NELL1: variants seen among roughly 807,000 people sequenced by gnomAD.
The protein encoded by NELL1 is protein kinase C-binding protein NELL1.
In NELL1, 76 loss-of-function variants were observed where a neutral mutation model predicts 107.4. The ratio of observed to expected loss-of-function variants is 0.71; its 90% CI spans 0.59 to 0.86. The LOEUF (loss-of-function observed/expected upper bound fraction) is 0.86, where lower values mean the gene tolerates loss of function less well. NELL1 is among the 40% of genes least tolerant of loss of function. The pLI, the probability that NELL1 is intolerant of heterozygous loss-of-function variation, is 0.00. For missense variants in NELL1, 1,024 were observed against 1,005.5 expected (o/e 1.02, Z -0.25); for synonymous variants, 353 against 341.2 (o/e 1.03, Z -0.38).
At chr11:21,512,549 G>C (rs11026121) in intron 15 of NELL1, among the ~76,000 whole-genome samples, 1 of 151,848 alleles carries the variant, frequency 6.6e-6, no homozygotes, top group Non-Finnish European at 1.5e-5. Flanking sequence ...GTACTACTGA[G>C]AGCCAGGAGA....
chr11:20,975,921 A>ACATATATGTACATATATGTGTT (rs1851614103), intron 12 of NELL1, among the ~76,000 whole-genome samples: 1 of 120,856 alleles, frequency 8.3e-6, no homozygotes. Context: ...ATATAAACAC[A>ACATATATGTACATATATGTGTT]CATATATGTA....
At chr11:21,366,653 AT>A (rs891942969) in intron 14 of NELL1, among the ~76,000 whole-genome samples, 2 of 151,954 alleles carry the variant, frequency 1.3e-5, no homozygotes, top group African/African-American at 4.8e-5. Flanking sequence ...AACAAAATAA[AT>A]CCCTCCACCT....
chr11:20,777,567 C>T (rs1476402486), intron 2 of NELL1, among the ~76,000 whole-genome samples: 2 of 152,192 alleles, frequency 1.3e-5, no homozygotes, highest in African/African-American at 4.8e-5. Context: ...GAAATTGCCT[C>T]ACTGATGGTT....
intron 15 of NELL1, among the ~76,000 whole-genome samples, chr11:21,427,512 G>C (rs1168552414): frequency 2.0e-5 from 3 of 152,022 alleles, no homozygotes; most frequent in Non-Finnish European, 4.4e-5. Context: ...TCACTCTAAG[G>C]GAATATAACA....
intron 14 of NELL1, among the ~76,000 whole-genome samples, chr11:21,358,517 G>C (rs1850991475): frequency 1.3e-5 from 2 of 150,630 alleles, no homozygotes; most frequent in Admixed American, 1.3e-4. Flanking sequence ...TCCTGCCTCA[G>C]CCTCCTGAGT....
chr11:21,192,056 C>A (rs2133836907), intron 13 of NELL1, among the ~76,000 whole-genome samples: 1 of 151,806 alleles, frequency 6.6e-6, no homozygotes, highest in African/African-American at 2.4e-5. Flanking sequence ...GTAGTAAGTT[C>A]TTTCTTTTAA....
rs142023552 is a variant in NELL1, at chr11:20,890,773, C to G, written c.603+5233C>G. ...AAAAAAGGACATTAGAGTTTGAAGA[C>G]CACCTTACTGAAAAAAGATGCAGAA... On this transcript the variant is annotated intron_variant, in intron 5 of 19. Transcript: ENST00000357134. Among the ~76,000 whole-genome samples the G allele has an allele frequency of 1.6e-3, 239 of 151,760 alleles. 1 individual carries two copies. Among genetic ancestry groups the G allele is most frequent in the African/African-American group, 5.3e-3 (220 of 41,386 alleles).
At chr11:21,199,043 A>C (rs1204095737) in intron 13 of NELL1, among the ~76,000 whole-genome samples, 1 of 152,154 alleles carries the variant, frequency 6.6e-6, no homozygotes, top group African/African-American at 2.4e-5. Context: ...GGTTAAAGTC[A>C]GTTTTGTATC....
intron 13 of NELL1, among the ~76,000 whole-genome samples, chr11:21,204,226 C>T (rs1483085602): frequency 6.6e-6 from 1 of 152,128 alleles, no homozygotes; most frequent in Non-Finnish European, 1.5e-5. Context: ...GTTCCATTCC[C>T]CTGTCACTTT....
At chr11:20,755,556 G>GTTTTTTTTT (rs1188989442) in intron 2 of NELL1, among the ~76,000 whole-genome samples, 11 of 23,368 alleles carry the variant, frequency 4.7e-4, no homozygotes, top group African/African-American at 9.2e-4. Context: ...TTTTGTTTTT[G>GTTTTTTTTT]TTTTTGTTTT....
chr11:20,820,144 T>C lies in NELL1; in HGVS notation c.336-27439T>C, dbSNP rs556440644. ...GTGACAACTCTTAATGCTTTGTTGT[T>C]TCTGGGAGACTAGAATAGTTGCTTA... On this transcript the variant is annotated intron_variant, in intron 3 of 19. Transcript: ENST00000357134. Among the ~76,000 whole-genome samples, 7 of 152,306 alleles carry C rather than the reference T, an allele frequency of 4.6e-5. No homozygotes were observed. The South Asian group carries it at 1.2e-3, about 27-fold the overall frequency.
intron 12 of NELL1, among the ~76,000 whole-genome samples, chr11:21,065,135 G>A (rs2134369085): frequency 6.6e-6 from 1 of 151,726 alleles, no homozygotes; most frequent in South Asian, 2.1e-4. Flanking sequence ...GTTTTTATAG[G>A]CTCCTAAAAA....
At chr11:20,819,885 G>A (rs1458714758) in intron 3 of NELL1, among the ~76,000 whole-genome samples, 1 of 152,320 alleles carries the variant, frequency 6.6e-6, no homozygotes, top group Admixed American at 6.5e-5. Flanking sequence ...GGGACATAAA[G>A]CACTATTAAC....
rs766370630 is a variant in NELL1 at position 20,937,858 on chromosome 11, G to T, written c.1070G>T (p.Arg357Leu). 6.1e-5 allele frequency: 99 copies of T among 1,613,742 alleles called. No homozygotes were observed. Among genetic ancestry groups the T allele is most frequent in the Non-Finnish European group, 7.9e-5 (93 of 1,179,794 alleles). The change falls in exon 10 of 20, where the codon CGA becomes CTA. Residue 357 changes from arginine (R) to leucine (L), a missense_variant and splice_region_variant. Transcript: ENST00000357134. ...TTAACCAAGAGCTGTCGGGAATGCC[G>T]AGTAAGTGTTAATTTTATGGTCCCT... ...RILTKSCRECRGGVLVKITEM... is the reference protein window; with the variant it reads ...RILTKSCRECLGGVLVKITEM...
At chr11:21,380,649 C>T (rs1289398890) in intron 15 of NELL1, among the ~76,000 whole-genome samples, 1 of 152,022 alleles carries the variant, frequency 6.6e-6, no homozygotes, top group African/African-American at 2.4e-5. Context: ...TCACTTGAAG[C>T]TATTTCACAA....
chr11:21,053,146 G>T (rs1853535896), intron 12 of NELL1, among the ~76,000 whole-genome samples: 1 of 151,614 alleles, frequency 6.6e-6, no homozygotes, highest in South Asian at 2.1e-4. Context: ...TATACTTTAA[G>T]TTCTGGGATA....
intron 2 of NELL1, among the ~76,000 whole-genome samples, chr11:20,695,490 T>A (rs1033168799): frequency 6.6e-6 from 1 of 152,146 alleles, no homozygotes; most frequent in Non-Finnish European, 1.5e-5. Flanking sequence ...TCTTGAGGGT[T>A]TTTATCATAA....
chr11:21,414,060 C>T (rs1421020658), intron 15 of NELL1, among the ~76,000 whole-genome samples: 3 of 151,936 alleles, frequency 2.0e-5, no homozygotes, highest in African/African-American at 4.8e-5. Context: ...GAATTAAAGA[C>T]TAGGGAGAAA....
chr11:21,429,898 T>A lies in NELL1; in HGVS notation c.1645+58950T>A, dbSNP rs184747820. Among the ~76,000 whole-genome samples the A allele has an allele frequency of 8.5e-4, 130 of 152,304 alleles. 1 individual carries two copies. Among genetic ancestry groups the A allele is most frequent in the Middle Eastern group, 6.8e-3 (2 of 294 alleles). ...AGGCAGGAAAGGACCCTAGCACTTA[T>A]CTACTTTAATCCTTTGGTGTCTCTA... is the stretch of plus-strand genomic sequence containing the variant. On this transcript the variant is annotated intron_variant, in intron 15 of 19. Transcript: ENST00000357134.
Sources: gnomAD v4.1 joint callset for allele counts (sites outside exome capture counted in the v4.1 genomes callset) on GRCh38, gnomAD v4.1.1 for gene constraint, MANE v1.5 for transcripts, NCBI Gene and HGNC (gene_info 2026-07-23, HGNC 2026-07-21) for gene names.